ACOT7: variants seen among roughly 807,000 people sequenced by gnomAD.
The protein encoded by ACOT7 is cytosolic acyl coenzyme A thioester hydrolase.
A neutral mutation model predicts 40.2 loss-of-function variants in ACOT7; 12 were observed. The observed-to-expected ratio is 0.30, with a 90% confidence interval of 0.19 to 0.48. The LOEUF is 0.48. ACOT7 is among the 20% of genes least tolerant of loss of function. The pLI, the probability that ACOT7 is intolerant of heterozygous loss-of-function variation, is 0.99. For missense variants in ACOT7, 395 were observed against 530.8 expected, an observed-to-expected ratio of 0.74 and a Z score of 2.51; for synonymous variants, 228 against 219.5, an observed-to-expected ratio of 1.04 and a Z score of -0.34.
rs141690445 is a variant in ACOT7 at position 6,353,518 on chromosome 1, T to C, written c.144-3652A>G. 4.8e-3 allele frequency among the ~76,000 whole-genome samples: 729 copies of C among 152,042 alleles called. 7 individuals are homozygous for C. The highest frequency in any genetic ancestry group is 0.016 in the African/African-American group (684 of 41,492). On this transcript the variant is annotated intron_variant, in intron 1 of 8. Coordinates refer to ENST00000361521, the MANE Select transcript of ACOT7 (RefSeq NM_007274.4). ...GCGTGGTGGTACACACCTGCAATCCTAGCTAGTCAGGAGGCTGAGGCAGGA... is the reference window on the plus strand; with the variant it reads ...GCGTGGTGGTACACACCTGCAATCCCAGCTAGTCAGGAGGCTGAGGCAGGA...
chr1:6,264,777 GC>G (rs1237237072), intron 8 of ACOT7, 82 bp from the exon 9 acceptor site: 6 of 1,439,850 alleles, frequency 4.2e-6, no homozygotes, highest in South Asian at 1.2e-5. Flanking sequence ...CTGGGGCCCT[GC>G]CCCCCACCCG....
intron 6 of ACOT7, among the ~76,000 whole-genome samples, chr1:6,300,157 G>A (rs1317276613): frequency 1.3e-5 from 2 of 152,046 alleles, no homozygotes; most frequent in East Asian, 1.9e-4. Context: ...GAGATACGTC[G>A]CCATCCAGCA....
At chr1:6,334,890 T>C (rs1232128898) in intron 3 of ACOT7, among the ~76,000 whole-genome samples, 1 of 152,142 alleles carries the variant, frequency 6.6e-6, no homozygotes, top group East Asian at 1.9e-4. Context: ...AAGGATGCCT[T>C]TAAAAAGTGG....
chr1:6,289,502 T>G lies in ACOT7; in HGVS notation c.829+5362A>C, dbSNP rs1030491234. Among the ~76,000 whole-genome samples the G allele has an allele frequency of 1.3e-5, 2 of 152,086 alleles. No homozygotes were observed. The highest frequency in any genetic ancestry group is 2.9e-5 in the Non-Finnish European group (2 of 68,026). ...CTGCAGCCTCTGCCTCCTGGGCTCA[T>G]GTGATCCTCCTCCCTTAGCTTCCTG... is the stretch of plus-strand genomic sequence containing the variant. On this transcript the variant is annotated intron_variant, in intron 7 of 8. Transcript: ENST00000361521. The surrounding 1 kb of genome is among the most constrained non-coding windows in gnomAD (Gnocchi z 4.6).
At chr1:6,329,143 A>C (rs532293876) in intron 4 of ACOT7, among the ~76,000 whole-genome samples, 19 of 152,372 alleles carry the variant, frequency 1.2e-4, no homozygotes, top group Non-Finnish European at 2.2e-4. Context: ...TTCTTTCAAA[A>C]GCCAGTTTTA....
At chr1:6,371,270 AG>A (rs763462833) in intron 1 of ACOT7, among the ~76,000 whole-genome samples, 5 of 152,180 alleles carry the variant, frequency 3.3e-5, no homozygotes, top group Non-Finnish European at 5.9e-5. Context: ...ATAATTCATA[AG>A]GGCCCTAGGA....
At chr1:6,337,909 G>A (rs1222906828) in intron 3 of ACOT7, among the ~76,000 whole-genome samples, 2 of 149,176 alleles carry the variant, frequency 1.3e-5, no homozygotes, top group South Asian at 2.1e-4. Context: ...TGGGAGGCAG[G>A]AGAATAGCTC....
chr1:6,392,895 C>G (rs1297470103), intron 1 of ACOT7, among the ~76,000 whole-genome samples: 4 of 152,160 alleles, frequency 2.6e-5, no homozygotes, highest in African/African-American at 9.6e-5. Flanking sequence ...GATGCTCGGG[C>G]GAGGCCCGAG....
chr1:6,385,043 A>T (rs1042852053), intron 1 of ACOT7, among the ~76,000 whole-genome samples: 1 of 151,990 alleles, frequency 6.6e-6, no homozygotes, highest in Non-Finnish European at 1.5e-5. Flanking sequence ...TAAGCAGCTC[A>T]ACACTGCACT....
intron 5 of ACOT7, 48 bp downstream of exon 5, chr1:6,327,251 C>T (rs1006001567): frequency 2.5e-5 from 39 of 1,583,024 alleles, no homozygotes; most frequent in African/African-American, 1.5e-4. Flanking sequence ...GCCTCCTATG[C>T]GTCCCCGGTG....
chr1:6,296,228 GATC>G (rs1281671011), intron 6 of ACOT7, among the ~76,000 whole-genome samples: 1 of 152,106 alleles, frequency 6.6e-6, no homozygotes, highest in Non-Finnish European at 1.5e-5. Flanking sequence ...GTGGTATGTG[GATC>G]ATCGTCAGTA....
Position 6,299,161 on chromosome 1 carries a change from G to A in ACOT7, c.713-4181C>T, listed in dbSNP as rs115728148. Among the ~76,000 whole-genome samples the A allele has an allele frequency of 0.013, 1,946 of 152,330 alleles. 16 individuals are homozygous for A. The highest frequency in any genetic ancestry group is 0.051 in the Middle Eastern group (15 of 294). On this transcript the variant is annotated intron_variant, in intron 6 of 8. Transcript: ENST00000361521. This position sits in a 1 kb window ranked among gnomAD's most constrained non-coding sequence, Gnocchi z 4.1. ...GCAGGCAGGTTGCCCTCCCTGAGCC[G>A]TGGGCTCAGTGTCTGTCAGGCAGAG...
intron 6 of ACOT7, among the ~76,000 whole-genome samples, chr1:6,297,917 T>C (rs1377198724): frequency 6.6e-6 from 1 of 152,160 alleles, no homozygotes; most frequent in Non-Finnish European, 1.5e-5. Flanking sequence ...ATTCCCAGAA[T>C]AAAAAGCTAA....
intron 1 of ACOT7, among the ~76,000 whole-genome samples, chr1:6,393,047 G>A (rs1442176899): frequency 6.6e-6 from 1 of 151,618 alleles, no homozygotes; most frequent in African/African-American, 2.4e-5. Context: ...GGAGCCGGCT[G>A]GAGGCGGGCG....
intron 2 of ACOT7, among the ~76,000 whole-genome samples, chr1:6,339,814 AC>A (rs1641216530): frequency 7.0e-6 from 1 of 142,292 alleles, no homozygotes; most frequent in Non-Finnish European, 1.5e-5. Flanking sequence ...ATCTCAGCTC[AC>A]TGCAAGCTCA....
chr1:6,301,011 G>A lies in ACOT7; in HGVS notation c.713-6031C>T, dbSNP rs1639961049. On this transcript the variant is annotated intron_variant, in intron 6 of 8. Transcript: ENST00000361521. This position sits in a 1 kb window ranked among gnomAD's most constrained non-coding sequence, Gnocchi z 4.1. ...GGGCCACCAGAGGCAATGCCATGTT[G>A]CCTCCCCATCCTGTCCTGTGACATC... 6.6e-6 allele frequency among the ~76,000 whole-genome samples: 1 copy of A among 152,224 alleles called. No homozygotes were observed. The highest frequency in any genetic ancestry group is 1.5e-5 in the Non-Finnish European group (1 of 68,040).
rs1188576484 is a variant in ACOT7, at chr1:6,311,102, A to G, written c.712+7390T>C. On this transcript the variant is annotated intron_variant, in intron 6 of 8. Coordinates refer to ENST00000361521, the MANE Select transcript of ACOT7 (RefSeq NM_007274.4). The surrounding 1 kb of genome is among the most constrained non-coding windows in gnomAD (Gnocchi z 5.2). ...GGCTCAGATGAGTTTAGGAAACTCT[A>G]TTGTGGCCCCTCTTCCCTGCCACAT... Among the ~76,000 whole-genome samples, 2 of 152,186 alleles carry G rather than the reference A, an allele frequency of 1.3e-5. No homozygotes were observed. Among genetic ancestry groups the G allele is most frequent in the Non-Finnish European group, 2.9e-5 (2 of 68,038 alleles).
At position 6,273,393 on chromosome 1, in the gene ACOT7, CAG is replaced by C. The variant is rs373107937; in HGVS notation, c.1014+7707_1014+7708del. 1.3e-4 allele frequency among the ~76,000 whole-genome samples: 20 copies of C among 152,330 alleles called. No individual in the cohort carries two copies. The South Asian group carries it at 3.7e-3, about 28-fold the overall frequency. ...TCCTAAGCGCTAACCAATGAGGCGA[CAG>C]GGGCAGCTTCAGGATGCAGGTATTT... On this transcript the variant is annotated intron_variant, in intron 8 of 8. Coordinates refer to ENST00000361521, the MANE Select transcript of ACOT7 (RefSeq NM_007274.4).
intron 8 of ACOT7, among the ~76,000 whole-genome samples, chr1:6,268,738 C>A (rs1638928615): frequency 6.6e-6 from 1 of 152,390 alleles, no homozygotes; most frequent in South Asian, 2.1e-4. Context: ...GGGCTTCATA[C>A]AGCCCGGTCC....
Sources: allele counts gnomAD v4.1 joint callset (sites outside exome capture counted in the v4.1 genomes callset), GRCh38; gene constraint gnomAD v4.1.1; non-coding constraint Gnocchi (gnomAD v3.1); transcripts MANE v1.5; gene names NCBI Gene and HGNC (gene_info 2026-07-23, HGNC 2026-07-21).